PALLD: variants seen among roughly 807,000 people sequenced by gnomAD.
The protein encoded by PALLD is palladin, cytoskeletal associated protein.
Under a neutral mutation model 123.5 loss-of-function variants are expected in PALLD, and 61 were observed. The observed-to-expected ratio is 0.49, with a 90% CI of 0.40 to 0.61. The LOEUF (loss-of-function observed/expected upper bound fraction) is 0.61, where lower values mean the gene tolerates loss of function less well. Among genes scored for constraint, PALLD ranks in the 20% least tolerant of loss-of-function variants. The pLI is 0.00. For synonymous variants in PALLD, 465 were observed against 496.4 expected, an observed-to-expected ratio of 0.94 and a Z score of 0.84; for missense variants, 1,273 against 1,377.0, an observed-to-expected ratio of 0.92 and a Z score of 1.20.
intron 10 of PALLD, among the ~76,000 whole-genome samples, chr4:168,840,543 G>A (rs573551007): frequency 1.3e-5 from 2 of 152,270 alleles, no homozygotes; most frequent in Non-Finnish European, 2.9e-5. Flanking sequence ...CGTGGTGGAT[G>A]CTTAGTGAAA....
At chr4:168,855,089 CTTTTT>C (rs11338063) in intron 10 of PALLD, among the ~76,000 whole-genome samples, 7 of 103,962 alleles carry the variant, frequency 6.7e-5, no homozygotes, top group Admixed American at 2.1e-4. Flanking sequence ...AAGGAATGTT[CTTTTT>C]TTTTTTTTTT....
At chr4:168,669,204 G>T (rs1779939489) in intron 3 of PALLD, among the ~76,000 whole-genome samples, 1 of 152,130 alleles carries the variant, frequency 6.6e-6, no homozygotes, top group South Asian at 2.1e-4. Context: ...TCCATTATGT[G>T]GAGGTGAAGA....
chr4:168,566,361 G>A (rs932189568), intron 2 of PALLD, among the ~76,000 whole-genome samples: 3 of 152,024 alleles, frequency 2.0e-5, no homozygotes, highest in Non-Finnish European at 4.4e-5. Flanking sequence ...TGCAATGGTC[G>A]ATCACAGCTC....
intron 2 of PALLD, among the ~76,000 whole-genome samples, chr4:168,569,483 A>T (rs1442187823): frequency 6.7e-6 from 1 of 150,164 alleles, no homozygotes; most frequent in African/African-American, 2.4e-5. Context: ...AGAACAACTT[A>T]GGTAGGCACT....
intron 10 of PALLD, among the ~76,000 whole-genome samples, chr4:168,810,434 C>G (rs1253150807): frequency 6.6e-6 from 1 of 151,788 alleles, no homozygotes; most frequent in Non-Finnish European, 1.5e-5. Flanking sequence ...GCTGGTGGAT[C>G]ACCTGAGGTC....
intron 2 of PALLD, among the ~76,000 whole-genome samples, chr4:168,512,746 A>G (rs971925337): frequency 2.6e-5 from 4 of 152,224 alleles, no homozygotes; most frequent in African/African-American, 9.7e-5. Context: ...AGTACTGTGA[A>G]AAGTGTGTGT....
chr4:168,755,343 A>G (rs1301959554), intron 10 of PALLD, among the ~76,000 whole-genome samples: 1 of 152,122 alleles, frequency 6.6e-6, no homozygotes, highest in Non-Finnish European at 1.5e-5. Context: ...AGGGACTTGA[A>G]TTATATAGAA....
At chr4:168,672,449 A>G (rs1354840895) in intron 3 of PALLD, among the ~76,000 whole-genome samples, 5 of 143,234 alleles carry the variant, frequency 3.5e-5, no homozygotes, top group Non-Finnish European at 7.6e-5. Context: ...CTGCTTTTTT[A>G]CTTCTGAGAT....
chr4:168,740,869 C>A (rs1467015256), intron 10 of PALLD, among the ~76,000 whole-genome samples: 1 of 152,178 alleles, frequency 6.6e-6, no homozygotes, highest in Admixed American at 6.5e-5. Context: ...GCAAACGAGT[C>A]TAAGAAAATA....
chr4:168,499,756 A>T (rs1277663593), intron 1 of PALLD, among the ~76,000 whole-genome samples: 2 of 152,212 alleles, frequency 1.3e-5, no homozygotes, highest in Admixed American at 6.5e-5. Flanking sequence ...ATACATTTTT[A>T]AATGACTATG....
In PALLD at chr4:168,711,640, C is replaced by T. The variant is rs763814940; in HGVS notation, c.1681C>T (p.His561Tyr). Residue 561 changes from histidine (H) to tyrosine (Y), a missense_variant, in exon 10 of 22, where the codon CAC (histidine) becomes TAC (tyrosine). This residue lies in a region of PALLD where 944 missense variants were observed against 954.5 expected (regional missense o/e 0.99). Coordinates refer to ENST00000505667, the MANE Select transcript of PALLD (RefSeq NM_001166108.2). ...AGAATCCAACAATGACCACTTCCAA[C>T]ACTTTCCACCTCCCCCTCCAATCTT... Reference protein sequence around the residue: ...MGESNNDHFQHFPPPPPILET... With the variant: ...MGESNNDHFQYFPPPPPILET... 1.9e-6 allele frequency: 3 copies of T among 1,614,178 alleles called. No individual in the cohort carries two copies. In the South Asian group the frequency reaches 3.3e-5, roughly 18 times the overall value.
intron 17 of PALLD, among the ~76,000 whole-genome samples, chr4:168,917,049 G>GTTT (rs1190179892): frequency 8.0e-6 from 1 of 124,874 alleles, no homozygotes; most frequent in African/African-American, 3.2e-5. Flanking sequence ...TTTTTTTGGG[G>GTTT]TTTTTTTTTT....
chr4:168,577,642 G>A (rs1459557613), intron 2 of PALLD, among the ~76,000 whole-genome samples: 1 of 152,042 alleles, frequency 6.6e-6, no homozygotes, highest in African/African-American at 2.4e-5. Context: ...GAGGCAATTT[G>A]GAAACTGAAA....
chr4:168,789,444 C>T (rs1307760266), intron 10 of PALLD, among the ~76,000 whole-genome samples: 1 of 152,156 alleles, frequency 6.6e-6, no homozygotes, highest in South Asian at 2.1e-4. Context: ...CAGTGGCTCA[C>T]GCCTGTAATC....
intron 10 of PALLD, among the ~76,000 whole-genome samples, chr4:168,881,180 C>T (rs902659317): frequency 6.6e-6 from 1 of 152,204 alleles, no homozygotes; most frequent in Admixed American, 6.5e-5. Flanking sequence ...GCTGGGATTA[C>T]AGGCCTGAGC....
At chr4:168,668,949 C>T (rs1413742175) in intron 3 of PALLD, among the ~76,000 whole-genome samples, 1 of 152,122 alleles carries the variant, frequency 6.6e-6, no homozygotes, top group African/African-American at 2.4e-5. Context: ...ATTCAGTCTC[C>T]AGGGAGTTGA....
chr4:168,561,646 T>A (rs1386753250), intron 2 of PALLD, among the ~76,000 whole-genome samples: 2 of 152,340 alleles, frequency 1.3e-5, no homozygotes, highest in East Asian at 1.9e-4. Context: ...ATACGCTTTT[T>A]TCTTAACTTA....
intron 10 of PALLD, among the ~76,000 whole-genome samples, chr4:168,792,924 G>A (rs1392525897): frequency 1.1e-4 from 16 of 151,260 alleles, no homozygotes; most frequent in Non-Finnish European, 2.2e-4. Context: ...AGGCCACCAC[G>A]CCTGGCTAAT....
intron 2 of PALLD, among the ~76,000 whole-genome samples, chr4:168,607,996 C>G (rs1773353148): frequency 6.6e-6 from 1 of 152,276 alleles, no homozygotes; most frequent in African/African-American, 2.4e-5. Context: ...ATATGGCTAC[C>G]AGCTGCTCAC....
Sources: allele counts gnomAD v4.1 joint callset (sites outside exome capture counted in the v4.1 genomes callset), GRCh38; gene constraint gnomAD v4.1.1; regional missense constraint gnomAD v4.1.1; transcripts MANE v1.5; gene names NCBI Gene and HGNC (gene_info 2026-07-23, HGNC 2026-07-21).